MBNL1: variants seen among roughly 807,000 people sequenced by gnomAD.
MBNL1 encodes the protein muscleblind like splicing regulator 1.
Under a neutral mutation model 42.2 loss-of-function variants are expected in MBNL1, and 8 were observed. The ratio of observed to expected loss-of-function variants is 0.19; its 90% CI spans 0.11 to 0.34. The LOEUF (loss-of-function observed/expected upper bound fraction) is 0.34. Among genes scored for constraint, MBNL1 ranks in the 10% least tolerant of loss-of-function variants. MBNL1 has a pLI of 1.00. For synonymous variants in MBNL1, 169 were observed against 173.9 expected (o/e 0.97, Z 0.22); for missense variants, 309 against 495.3 (o/e 0.62, Z 3.57).
chr3:152,286,256 CATT>C (rs897093376), intron 1 of MBNL1, among the ~76,000 whole-genome samples: 1 of 147,006 alleles, frequency 6.8e-6, no homozygotes, highest in Non-Finnish European at 1.5e-5. Flanking sequence ...CACATACACA[CATT>C]AATCCTTATT....
chr3:152,274,765 A>G (rs2043935055), intron 1 of MBNL1, among the ~76,000 whole-genome samples: 1 of 152,116 alleles, frequency 6.6e-6, no homozygotes, highest in Non-Finnish European at 1.5e-5. Flanking sequence ...AATGTCCTAT[A>G]CTAGATTATT....
At chr3:152,376,412 T>G (rs6768807) in intron 2 of MBNL1, among the ~76,000 whole-genome samples, 42,538 of 152,080 alleles carry the variant, frequency 0.28, 6,167 homozygotes, top group African/African-American at 0.36. Flanking sequence ...AATACAGTGA[T>G]ATAGTTTTCT....
rs970296257 is a variant in MBNL1 at position 152,335,019 on chromosome 3, T to G, written c.174+34652T>G. On this transcript the variant is annotated intron_variant, in intron 2 of 9. Transcript: ENST00000324210. ...CCTGCAAGGAGATGGGTCTAAATGGTCTGCTCCAGCTTCTGCTGCTGCTGC... is the reference window on the plus strand; with the variant it reads ...CCTGCAAGGAGATGGGTCTAAATGGGCTGCTCCAGCTTCTGCTGCTGCTGC... The G allele has an allele frequency of 7.0e-6, 8 of 1,146,080 alleles. No homozygotes were observed. The African/African-American group carries it at 1.3e-4, about 18-fold the overall frequency. 71.0% of individuals were successfully genotyped at this position (1,146,080 alleles called of 1,614,324 possible).
At chr3:152,266,051 G>C (rs1024744806), upstream of MBNL1, 1 of 152,136 alleles carries the variant, frequency 6.6e-6, no homozygotes, top group Non-Finnish European at 1.5e-5. Flanking sequence ...GTTTGTTACA[G>C]TGCTTTAAAA....
At position 152,255,281 on chromosome 3, in the gene MBNL1, G is replaced by A. The variant is rs535342232; in HGVS notation, n.333+10841G>A. On this transcript the variant is annotated intron_variant and non_coding_transcript_variant, in intron 2 of 2. Transcript: ENST00000477171. Reference sequence around the variant, plus strand: ...GTTTCATTAGGTGGAGAAAAGTTGTGATAATAAATTTTCAGAAGAGTCCAG... The same window carrying A: ...GTTTCATTAGGTGGAGAAAAGTTGTAATAATAAATTTTCAGAAGAGTCCAG... Among the ~76,000 whole-genome samples the A allele has an allele frequency of 2.0e-5, 3 of 152,034 alleles. No homozygotes were observed. The South Asian group carries it at 6.2e-4, about 32-fold the overall frequency.
intron 3 of MBNL1, among the ~76,000 whole-genome samples, chr3:152,427,119 G>T (rs1435264935): frequency 6.6e-6 from 1 of 152,178 alleles, no homozygotes; most frequent in Non-Finnish European, 1.5e-5. Flanking sequence ...CCATCCTGCT[G>T]TTGTTACTGC....
At chr3:152,274,906 A>G (rs1387003448) in intron 1 of MBNL1, among the ~76,000 whole-genome samples, 1 of 152,204 alleles carries the variant, frequency 6.6e-6, no homozygotes, top group African/African-American at 2.4e-5. Flanking sequence ...GCTATGCTAA[A>G]TATAAAGGAT....
rs139452696 is a variant in MBNL1 at position 152,358,684 on chromosome 3, A to T, written c.175-56257A>T. ...TACATAAGGAAGCACTAGTTTAACT[A>T]TCTTTTCTAAAAAAGTAACTAAGGG... On this transcript the variant is annotated intron_variant, in intron 2 of 9. Coordinates refer to ENST00000324210, the MANE Select transcript of MBNL1 (RefSeq NM_021038.5). Among the ~76,000 whole-genome samples, 370 of 152,296 alleles carry T rather than the reference A, an allele frequency of 2.4e-3. 1 individual carries two copies. Among genetic ancestry groups the T allele is most frequent in the African/African-American group, 8.1e-3 (337 of 41,572 alleles).
At chr3:152,376,781 T>TAC (rs5853579) in intron 2 of MBNL1, among the ~76,000 whole-genome samples, 2 of 152,102 alleles carry the variant, frequency 1.3e-5, no homozygotes, top group Non-Finnish European at 1.5e-5. Context: ...TCTATATATA[T>TAC]ACGCACACAC....
chr3:152,439,055 C>G (rs1030686796), intron 4 of MBNL1, among the ~76,000 whole-genome samples: 31 of 152,136 alleles, frequency 2.0e-4, no homozygotes, highest in African/African-American at 7.5e-4. Flanking sequence ...GGGCAAACGA[C>G]TTGGTTTCTG....
chr3:152,310,876 T>C (rs1455588061), intron 2 of MBNL1, among the ~76,000 whole-genome samples: 1 of 151,958 alleles, frequency 6.6e-6, no homozygotes, highest in African/African-American at 2.4e-5. Flanking sequence ...AAGCTTGGAA[T>C]TGAGGTAAAG....
chr3:152,391,274 T>G (rs760893830), intron 2 of MBNL1, among the ~76,000 whole-genome samples: 9 of 152,230 alleles, frequency 5.9e-5, no homozygotes, highest in Non-Finnish European at 1.0e-4. Flanking sequence ...ACACATTAAG[T>G]TGCCCTTTCT....
At chr3:152,351,006 G>T (rs1013899097) in intron 2 of MBNL1, among the ~76,000 whole-genome samples, 2 of 152,008 alleles carry the variant, frequency 1.3e-5, no homozygotes, top group African/African-American at 2.4e-5. Context: ...TAGCTACCTA[G>T]GTGAACCTCA....
At chr3:152,423,879 A>C (rs940000706) in intron 3 of MBNL1, among the ~76,000 whole-genome samples, 3 of 152,230 alleles carry the variant, frequency 2.0e-5, no homozygotes, top group African/African-American at 7.2e-5. Context: ...ATAAAATTCA[A>C]CATCCCTTCA....
intron 2 of MBNL1, among the ~76,000 whole-genome samples, chr3:152,385,956 A>G (rs13094115): frequency 0.35 from 53,171 of 151,826 alleles, 9,507 homozygotes; most frequent in Middle Eastern, 0.43. Context: ...GTCAACAGTC[A>G]GGAACATTCA....
At chr3:152,305,393 C>T (rs957427906) in intron 2 of MBNL1, among the ~76,000 whole-genome samples, 4 of 152,158 alleles carry the variant, frequency 2.6e-5, no homozygotes, top group East Asian at 1.9e-4. Flanking sequence ...ATTGCTAATC[C>T]GTTACCTTTC....
intron 6 of MBNL1, among the ~76,000 whole-genome samples, chr3:152,448,438 A>G (rs932636569): frequency 6.6e-6 from 1 of 152,180 alleles, no homozygotes; most frequent in Non-Finnish European, 1.5e-5. Context: ...TTTAAAACAC[A>G]GACTAGCTAC....
chr3:152,315,372 C>T (rs1408725337), intron 2 of MBNL1, among the ~76,000 whole-genome samples: 1 of 152,170 alleles, frequency 6.6e-6, no homozygotes, highest in Non-Finnish European at 1.5e-5. Flanking sequence ...AAATCCACTT[C>T]TCTGAAACTC....
chr3:152,248,977 A>G lies in MBNL1; in HGVS notation n.333+4537A>G, dbSNP rs1361961439. Among the ~76,000 whole-genome samples, 4 of 151,888 alleles carry G rather than the reference A, an allele frequency of 2.6e-5. No individual in the cohort carries two copies. The East Asian group carries it at 5.8e-4, about 22-fold the overall frequency. Reference sequence around the variant, plus strand: ...ATTTTTTATGGCTGCATAGTATTCCATGGTGTATATGTGCCACATTTTCTT... The same window carrying G: ...ATTTTTTATGGCTGCATAGTATTCCGTGGTGTATATGTGCCACATTTTCTT... On this transcript the variant is annotated intron_variant and non_coding_transcript_variant, in intron 2 of 2. Coordinates refer to the MBNL1 transcript ENST00000477171.
Sources: gnomAD v4.1 joint callset for allele counts (sites outside exome capture counted in the v4.1 genomes callset) on GRCh38, gnomAD v4.1.1 for gene constraint, MANE v1.5 for transcripts, NCBI Gene and HGNC (gene_info 2026-07-23, HGNC 2026-07-21) for gene names.